SLIT3: variants seen among roughly 807,000 people sequenced by gnomAD.
SLIT3 encodes the protein slit homolog 3 protein.
Under a neutral mutation model 184.0 loss-of-function variants are expected in SLIT3, and 68 were observed. The observed-to-expected ratio is 0.37, with a 90% CI of 0.30 to 0.45. The LOEUF (loss-of-function observed/expected upper bound fraction) is 0.45, where lower values mean the gene tolerates loss of function less well. Ranked by LOEUF, SLIT3 falls within the 20% of genes least tolerant of loss-of-function variation. The pLI is 1.00. For missense variants in SLIT3, 1,707 were observed against 2,026.0 expected, an observed-to-expected ratio of 0.84 and a Z score of 3.02; for synonymous variants, 831 against 828.6, an observed-to-expected ratio of 1.00 and a Z score of -0.05.
rs1424135315 is a variant in SLIT3 at position 169,127,696 on chromosome 5, G to C, written c.413+65783C>G. On this transcript the variant is annotated intron_variant, in intron 4 of 35. Coordinates refer to ENST00000519560, the MANE Select transcript of SLIT3 (RefSeq NM_003062.4). ...ATCTTTAGCATCTGGCACTGTACCT[G>C]ACACCTAAACCTGTGTGAGTGAATG... Among the ~76,000 whole-genome samples, 5 of 152,214 alleles carry C rather than the reference G, an allele frequency of 3.3e-5. No individual in the cohort carries two copies. In the East Asian group the frequency reaches 9.6e-4, roughly 29 times the overall value.
Position 168,664,602 on chromosome 5 carries a change from A to G in SLIT3, c.*1852T>C, listed in dbSNP as rs1240094173. ...TCATTATTCCCTGCGTCTTTGGCCCACCATTGGTACTCACAGATCAACTAG... is the reference window on the plus strand; with the variant it reads ...TCATTATTCCCTGCGTCTTTGGCCCGCCATTGGTACTCACAGATCAACTAG... On this transcript the variant is annotated 3_prime_UTR_variant, in exon 36 of 36. Transcript: ENST00000519560. 1 of 151,766 alleles carries G rather than the reference A, an allele frequency of 6.6e-6. No homozygotes were observed. Among genetic ancestry groups the G allele is most frequent in the Non-Finnish European group, 1.5e-5 (1 of 67,984 alleles). 9.4% of individuals were successfully genotyped at this position (151,766 alleles called of 1,614,324 possible). A position where few individuals can be genotyped will look rare whatever the true frequency, so the allele number is the denominator to read the frequency against.
intron 4 of SLIT3, among the ~76,000 whole-genome samples, chr5:168,911,364 C>T (rs1292962349): frequency 6.6e-6 from 1 of 152,156 alleles, no homozygotes; most frequent in Non-Finnish European, 1.5e-5. Flanking sequence ...GTGTGACTAC[C>T]ACACACAAGA....
intron 3 of SLIT3, among the ~76,000 whole-genome samples, chr5:169,210,309 A>C (rs887289744): frequency 6.6e-6 from 1 of 152,222 alleles, no homozygotes; most frequent in African/African-American, 2.4e-5. Context: ...CAGAGGGCAA[A>C]TAAATGCACA....
At chr5:169,014,650 A>C (rs1195429562) in intron 4 of SLIT3, among the ~76,000 whole-genome samples, 4 of 152,212 alleles carry the variant, frequency 2.6e-5, no homozygotes, top group African/African-American at 7.2e-5. Context: ...TGAGTGTAGG[A>C]GCATTAAGAA....
intron 32 of SLIT3, among the ~76,000 whole-genome samples, chr5:168,673,934 C>T (rs1761330933): frequency 6.6e-6 from 1 of 152,232 alleles, no homozygotes; most frequent in Admixed American, 6.5e-5. Context: ...CTGCCTGGAC[C>T]ACTATTTACT....
At chr5:169,169,418 A>G (rs1477140031) in intron 4 of SLIT3, among the ~76,000 whole-genome samples, 1 of 152,238 alleles carries the variant, frequency 6.6e-6, no homozygotes, top group Non-Finnish European at 1.5e-5. Context: ...AAGTGTATGA[A>G]AACACACATT....
At chr5:169,032,953 T>C (rs10055053) in intron 4 of SLIT3, among the ~76,000 whole-genome samples, 1 of 123,014 alleles carries the variant, frequency 8.1e-6, no homozygotes, top group Non-Finnish European at 1.6e-5. Flanking sequence ...TTTTTTTTGG[T>C]GGCAAGAGCA....
intron 27 of SLIT3, among the ~76,000 whole-genome samples, chr5:168,697,503 C>T (rs1762097960): frequency 6.6e-6 from 1 of 152,136 alleles, no homozygotes; most frequent in African/African-American, 2.4e-5. Flanking sequence ...TGGCCTAACC[C>T]GTTTGTCAGG....
chr5:169,056,909 T>C (rs1758022710), intron 4 of SLIT3, among the ~76,000 whole-genome samples: 2 of 152,374 alleles, frequency 1.3e-5, no homozygotes, highest in South Asian at 2.1e-4. Flanking sequence ...ACAAGCTGTG[T>C]GACCTTGCTG....
At chr5:168,860,329 G>T (rs980875356) in intron 5 of SLIT3, among the ~76,000 whole-genome samples, 4 of 152,064 alleles carry the variant, frequency 2.6e-5, no homozygotes, top group Admixed American at 2.0e-4. Context: ...ACAATAAAAG[G>T]TGATTAAATT....
At chr5:168,678,013 A>G (rs1761466047) in intron 32 of SLIT3, among the ~76,000 whole-genome samples, 1 of 151,744 alleles carries the variant, frequency 6.6e-6, no homozygotes, top group African/African-American at 2.4e-5. Flanking sequence ...TGAGGAGGGG[A>G]CTCTTGTGAG....
chr5:169,237,638 G>A (rs1025870910), intron 3 of SLIT3, among the ~76,000 whole-genome samples: 2 of 152,046 alleles, frequency 1.3e-5, no homozygotes, highest in Non-Finnish European at 2.9e-5. Flanking sequence ...ACACCTATTT[G>A]CATCACCCTA....
chr5:168,736,245 C>T (rs1763432068), intron 20 of SLIT3, among the ~76,000 whole-genome samples: 2 of 152,180 alleles, frequency 1.3e-5, no homozygotes, highest in Non-Finnish European at 2.9e-5. Context: ...GCTCAGGCCA[C>T]CCACAGCCCC....
chr5:168,803,164 T>C (rs903445805), intron 9 of SLIT3, among the ~76,000 whole-genome samples: 2 of 152,224 alleles, frequency 1.3e-5, no homozygotes, highest in Non-Finnish European at 2.9e-5. Flanking sequence ...ACATAAAGTA[T>C]AATTATACAA....
chr5:169,271,805 T>C (rs67705461), intron 1 of SLIT3, among the ~76,000 whole-genome samples: 47,035 of 152,072 alleles, frequency 0.31, 7,955 homozygotes, highest in Non-Finnish European at 0.4. Flanking sequence ...GAAGAACCCT[T>C]GGGGCAGATA....
At chr5:168,831,978 C>CA (rs1757897451) in intron 6 of SLIT3, among the ~76,000 whole-genome samples, 1 of 152,226 alleles carries the variant, frequency 6.6e-6, no homozygotes, top group African/African-American at 2.4e-5. Context: ...ACTACTCAAT[C>CA]AGATCCTGTG....
chr5:168,821,139 G>A (rs1757517241), intron 7 of SLIT3, among the ~76,000 whole-genome samples: 1 of 152,132 alleles, frequency 6.6e-6, no homozygotes, highest in Non-Finnish European at 1.5e-5. Flanking sequence ...GTTCGGGATG[G>A]CAGAGAAGAA....
At chr5:168,709,100 TG>T (rs1036744497) in intron 25 of SLIT3, among the ~76,000 whole-genome samples, 1 of 141,144 alleles carries the variant, frequency 7.1e-6, no homozygotes, top group Non-Finnish European at 1.6e-5. Flanking sequence ...GTTTTCTGTT[TG>T]TTTTTTTTTT....
intron 16 of SLIT3, among the ~76,000 whole-genome samples, chr5:168,755,419 T>TTCTTTCTTTC (rs1561913482): frequency 2.1e-5 from 1 of 47,394 alleles, no homozygotes; most frequent in Non-Finnish European, 3.8e-5. Flanking sequence ...CTTTCTTTCT[T>TTCTTTCTTTC]TCTTTCTTTC....
Sources: gnomAD v4.1 joint callset for allele counts (sites outside exome capture counted in the v4.1 genomes callset) on GRCh38, gnomAD v4.1.1 for gene constraint, MANE v1.5 for transcripts, NCBI Gene and HGNC (gene_info 2026-07-23, HGNC 2026-07-21) for gene names.